MYO3B: variants seen among roughly 807,000 people sequenced by gnomAD.
MYO3B encodes the protein myosin IIIB.
A neutral mutation model predicts 174.6 loss-of-function variants in MYO3B; 156 were observed. The ratio of observed to expected loss-of-function variants is 0.89; its 90% confidence interval spans 0.78 to 1.02. The LOEUF (loss-of-function observed/expected upper bound fraction) is 1.02, where lower values mean the gene tolerates loss of function less well. Ranked by LOEUF, MYO3B falls within the 50% of genes least tolerant of loss-of-function variation. The probability of loss-of-function intolerance (pLI) is 0.00; values close to 1 mark genes in which losing one functional copy is unlikely to be tolerated. For missense variants in MYO3B, 1,632 were observed against 1,639.4 expected (o/e 1.00, Z 0.08); for synonymous variants, 563 against 569.1 (o/e 0.99, Z 0.15).
At chr2:170,383,013 T>C in intron 10 of MYO3B, 60 bp from the exon 11 acceptor site, 1 of 1,060,942 alleles carries the variant, frequency 9.4e-7, no homozygotes, top group Non-Finnish European at 1.4e-6. Flanking sequence ...TTGTCATTTT[T>C]AGAATCTATC....
chr2:170,488,029 AG>A (rs1686181234), intron 25 of MYO3B, among the ~76,000 whole-genome samples: 1 of 152,220 alleles, frequency 6.6e-6, no homozygotes. Context: ...TCTTTAATCA[AG>A]GAAATTCAAA....
At chr2:170,565,228 G>A (rs1340924975) in intron 32 of MYO3B, among the ~76,000 whole-genome samples, 1 of 152,134 alleles carries the variant, frequency 6.6e-6, no homozygotes, top group Non-Finnish European at 1.5e-5. Flanking sequence ...GTATTGTTTG[G>A]GGCAGGAAAC....
intron 1 of MYO3B, among the ~76,000 whole-genome samples, chr2:170,179,778 A>G (rs7599599): frequency 0.43 from 65,351 of 152,028 alleles, 15,254 homozygotes; most frequent in East Asian, 0.57. Flanking sequence ...ATGGACTAAC[A>G]CAACTATTAT....
chr2:170,410,592 G>GAAAAAAAAA (rs59296953), intron 22 of MYO3B, among the ~76,000 whole-genome samples: 35 of 112,516 alleles, frequency 3.1e-4, no homozygotes, highest in South Asian at 6.1e-4. Flanking sequence ...CAAAAAAAAA[G>GAAAAAAAAA]AAAAAAAAAA....
In MYO3B at chr2:170,214,799, C is replaced by A. The variant is rs765910341; in HGVS notation, c.497C>A (p.Thr166Lys). 22 of 1,613,890 alleles carry A rather than the reference C, an allele frequency of 1.4e-5. No individual in the cohort carries two copies. Among genetic ancestry groups the A allele is most frequent in the Non-Finnish European group, 1.9e-5 (22 of 1,179,948 alleles). ...DVKGNNILLT[T>K]EGGVKLVDFG... ...AAGGGGAATAACATTCTTCTGACAA[C>A]AGAAGGAGGAGTTAAGCTCGTTGAC... The change falls in exon 5 of 35, where the codon ACA (threonine) becomes AAA (lysine). Residue 166 changes from threonine to lysine, a missense_variant. Transcript: ENST00000408978.
intron 25 of MYO3B, among the ~76,000 whole-genome samples, chr2:170,497,007 G>T (rs1430659850): frequency 6.6e-6 from 1 of 152,112 alleles, no homozygotes; most frequent in South Asian, 2.1e-4. Flanking sequence ...TTTTGGTAAC[G>T]ATGGAGTTCA....
At chr2:170,427,604 C>T (rs1014363518) in intron 22 of MYO3B, among the ~76,000 whole-genome samples, 8 of 152,144 alleles carry the variant, frequency 5.3e-5, no homozygotes, top group Non-Finnish European at 1.0e-4. Flanking sequence ...CAATTGGGCA[C>T]ATGCAAGTTT....
intron 23 of MYO3B, among the ~76,000 whole-genome samples, chr2:170,461,466 C>CAAAAA (rs1178003357): frequency 4.7e-5 from 2 of 42,308 alleles, no homozygotes; most frequent in African/African-American, 1.6e-4. Flanking sequence ...AACTCAGTCT[C>CAAAAA]AAAAAAAAAA....
chr2:170,523,380 T>G (rs1478552342), intron 30 of MYO3B, among the ~76,000 whole-genome samples: 1 of 151,288 alleles, frequency 6.6e-6, no homozygotes, highest in Non-Finnish European at 1.5e-5. Flanking sequence ...GGGATTCTGT[T>G]GTCCCCCTTA....
chr2:170,235,329 C>T (rs897756375), intron 6 of MYO3B, among the ~76,000 whole-genome samples: 1 of 152,200 alleles, frequency 6.6e-6, no homozygotes. Context: ...AACATTCCTC[C>T]ACAGGGTTAC....
At chr2:170,560,766 G>T (rs1203962866) in intron 32 of MYO3B, among the ~76,000 whole-genome samples, 1 of 152,134 alleles carries the variant, frequency 6.6e-6, no homozygotes. Flanking sequence ...CTCTGCATTT[G>T]TGCAGAAATC....
chr2:170,280,310 G>GT (rs570838353), intron 7 of MYO3B, among the ~76,000 whole-genome samples: 86 of 151,048 alleles, frequency 5.7e-4, no homozygotes, highest in African/African-American at 1.7e-3. Flanking sequence ...TAGTGGGGTT[G>GT]TTTTTTTTTC....
At chr2:170,466,424 C>A in intron 24 of MYO3B, 82 bp from the exon 25 acceptor site, 2 of 1,314,630 alleles carry the variant, frequency 1.5e-6, no homozygotes, top group Admixed American at 1.8e-5. Context: ...CGAACTGCTC[C>A]AGAGGCTTCT....
intron 32 of MYO3B, among the ~76,000 whole-genome samples, chr2:170,559,461 A>G (rs952941195): frequency 6.6e-6 from 1 of 152,174 alleles, no homozygotes; most frequent in Non-Finnish European, 1.5e-5. Context: ...AGGCCAAAAG[A>G]TCAGAGAGCA....
At chr2:170,547,005 C>G (rs970223717) in intron 32 of MYO3B, among the ~76,000 whole-genome samples, 1 of 152,090 alleles carries the variant, frequency 6.6e-6, no homozygotes. Flanking sequence ...GGGGCTTAAA[C>G]AAGGCTGTCT....
intron 6 of MYO3B, among the ~76,000 whole-genome samples, chr2:170,219,019 G>A (rs2092861798): frequency 6.6e-6 from 1 of 152,154 alleles, no homozygotes; most frequent in Non-Finnish European, 1.5e-5. Flanking sequence ...AACAGCAGGT[G>A]ACTCTCCAAA....
At chr2:170,274,836 A>G (rs573421163) in intron 7 of MYO3B, among the ~76,000 whole-genome samples, 9 of 152,342 alleles carry the variant, frequency 5.9e-5, no homozygotes, top group Admixed American at 3.9e-4. Context: ...TATTTTCTCT[A>G]CAACACATTA....
intron 25 of MYO3B, among the ~76,000 whole-genome samples, 183 bp from the exon 26 acceptor site, chr2:170,498,409 A>C (rs917165409): frequency 3.9e-5 from 6 of 152,200 alleles, no homozygotes; most frequent in African/African-American, 1.4e-4. Context: ...GAACATATGA[A>C]AGTAGGGAAG....
chr2:170,260,077 G>A (rs530839912), intron 7 of MYO3B, among the ~76,000 whole-genome samples: 363 of 152,248 alleles, frequency 2.4e-3, no homozygotes, highest in African/African-American at 8.5e-3. Flanking sequence ...TAACATGTTG[G>A]TGAGGCTGCA....
Sources: gnomAD v4.1 joint callset for allele counts (sites outside exome capture counted in the v4.1 genomes callset) on GRCh38, gnomAD v4.1.1 for gene constraint, MANE v1.5 for transcripts, NCBI Gene and HGNC (gene_info 2026-07-23, HGNC 2026-07-21) for gene names.